LAIR1: variants seen among roughly 807,000 people sequenced by gnomAD.
The protein encoded by LAIR1 is leukocyte associated immunoglobulin like receptor 1.
A neutral mutation model predicts 32.8 loss-of-function variants in LAIR1; 24 were observed. That is an observed-to-expected ratio of 0.73 (90% CI 0.53 to 1.03). LAIR1 has a LOEUF of 1.03. Among genes scored for constraint, LAIR1 ranks in the 50% least tolerant of loss-of-function variants. The probability of loss-of-function intolerance (pLI) is 0.00; values close to 1 mark genes in which losing one functional copy is unlikely to be tolerated. For missense variants in LAIR1, 355 were observed against 347.5 expected (o/e 1.02, Z -0.17); for synonymous variants, 150 against 140.5 (o/e 1.07, Z -0.48).
At chr19:54,365,910 TGTG>T (rs369704745), upstream of LAIR1, among the ~76,000 whole-genome samples, 4 of 151,966 alleles carry the variant, frequency 2.6e-5, no homozygotes, top group African/African-American at 9.7e-5. Context: ...ATATAGAAAA[TGTG>T]GTGCACACAC....
At position 54,363,020 on chromosome 19, in the gene LAIR1, GA is replaced by G. The variant is rs79699294; in HGVS notation, c.70+1274del. Among the ~76,000 whole-genome samples the G allele has an allele frequency of 4.9e-3, 653 of 134,524 alleles. 4 individuals are homozygous for G. Among genetic ancestry groups the G allele is most frequent in the African/African-American group, 8.5e-3 (316 of 37,250 alleles). 88.3% of individuals were successfully genotyped at this position (134,524 alleles called of 152,430 possible). On this transcript the variant is annotated intron_variant, in intron 2 of 9. Coordinates refer to ENST00000391742, the MANE Select transcript of LAIR1 (RefSeq NM_002287.6). ...AAGATAAACAGGGGAAGGGCTCTGA[GA>G]AAAAAAAAAAAAGATTTCATCTTAC...
intron 4 of LAIR1, chr19:54,358,622 G>A (rs777341203): frequency 1.2e-6 from 2 of 1,601,462 alleles, no homozygotes; most frequent in Non-Finnish European, 8.5e-7. Context: ...GCCTGGCACA[G>A]TCCCTGTGAG....
At chr19:54,356,200 C>T (rs773086082) in intron 8 of LAIR1, 30 bp downstream of exon 8, 1 of 1,603,608 alleles carries the variant, frequency 6.2e-7, no homozygotes, top group South Asian at 1.1e-5. Flanking sequence ...CTTCCCCATC[C>T]CAGGCCTGTC....
chr19:54,355,524 C>T lies in LAIR1; in HGVS notation c.718-110G>A. On this transcript the variant is annotated intron_variant, in intron 9 of 9. Coordinates refer to ENST00000391742, the MANE Select transcript of LAIR1 (RefSeq NM_002287.6). This position sits in a 1 kb window ranked among gnomAD's most constrained non-coding sequence, Gnocchi z 4.7. ...CTCCATGGGCCCTGAGGACCCTCTC[C>T]TAAATTGCATCCGTGTGAAGAGCCC... 2 of 967,524 alleles carry T rather than the reference C, an allele frequency of 2.1e-6. No individual in the cohort carries two copies. The highest frequency in any genetic ancestry group is 1.6e-5 in the South Asian group (1 of 60,710). 59.9% of individuals were successfully genotyped at this position (967,524 alleles called of 1,614,324 possible). A position where few individuals can be genotyped will look rare whatever the true frequency, so the allele number is the denominator to read the frequency against.
rs1433469363 is a variant in LAIR1 at position 54,364,815 on chromosome 19, C to G, written c.-11G>C. On this transcript the variant is annotated 5_prime_UTR_variant, in exon 1 of 10. Transcript: ENST00000391742. This position sits in a 1 kb window ranked among gnomAD's most constrained non-coding sequence, Gnocchi z 4.8. ...GGGGTGGGGAGACATGGCCCAGGTCCCAGCAGTGCAGCCTGGCCTGAGGCG... is the reference window on the plus strand; with the variant it reads ...GGGGTGGGGAGACATGGCCCAGGTCGCAGCAGTGCAGCCTGGCCTGAGGCG... The G allele has an allele frequency of 3.1e-6, 5 of 1,614,000 alleles. No homozygotes were observed. In the Admixed American group the frequency reaches 8.3e-5, roughly 27 times the overall value.
chr19:54,366,190 A>G (rs1181328412), upstream of LAIR1, among the ~76,000 whole-genome samples: 1 of 152,232 alleles, frequency 6.6e-6, no homozygotes, highest in Non-Finnish European at 1.5e-5. Context: ...ATCGTCAGCA[A>G]TAACGTCTTG....
upstream of LAIR1, chr19:54,368,065 C>T (rs1601341212): frequency 6.6e-6 from 1 of 152,200 alleles, no homozygotes; most frequent in South Asian, 2.1e-4. Context: ...AGCCACCGCG[C>T]CTGGCCTAAT....
Position 54,364,726 on chromosome 19 carries a change from C to A in LAIR1, c.34+45G>T, listed in dbSNP as rs777068948. The A allele has an allele frequency of 1.6e-5, 24 of 1,540,328 alleles. No individual in the cohort carries two copies. Among genetic ancestry groups the A allele is most frequent in the Admixed American group, 6.8e-5 (4 of 58,558 alleles). On this transcript the variant is annotated intron_variant, in intron 1 of 9. Transcript: ENST00000391742. The surrounding 1 kb of genome is among the most constrained non-coding windows in gnomAD (Gnocchi z 4.8). ...AGGCTTGAGCAGGGAATTTTCCAGACCTCCCGACCCCCTTTCCAGCCTCCC... is the reference window on the plus strand; with the variant it reads ...AGGCTTGAGCAGGGAATTTTCCAGAACTCCCGACCCCCTTTCCAGCCTCCC...
chr19:54,355,127 C>T lies in LAIR1; in HGVS notation c.*141G>A. 1 of 805,540 alleles carries T rather than the reference C, an allele frequency of 1.2e-6. No homozygotes were observed. Among genetic ancestry groups the T allele is most frequent in the Non-Finnish European group, 2.0e-6 (1 of 507,038 alleles). The allele number at this position is 805,540 out of a possible 1,614,324, so 49.9% of individuals were successfully genotyped here. A position where few individuals can be genotyped will look rare whatever the true frequency, so the allele number is the denominator to read the frequency against. On this transcript the variant is annotated 3_prime_UTR_variant, in exon 10 of 10. Transcript: ENST00000391742. This position sits in a 1 kb window ranked among gnomAD's most constrained non-coding sequence, Gnocchi z 4.7. ...GATGCTGGTTAGAAACCTCCAGTCT[C>T]CAGCTCTTGTCTCCAGGACAGCTGC...
chr19:54,374,858 C>T (rs61735675), upstream of LAIR1, among the ~76,000 whole-genome samples: 15,277 of 151,996 alleles, frequency 0.1, 858 homozygotes, highest in African/African-American at 0.13. Context: ...AAAGTGACCC[C>T]CTCAGCCCAG....
chr19:54,364,922 C>T lies in LAIR1; in HGVS notation c.-118G>A. The T allele has an allele frequency of 1.3e-6, 2 of 1,591,080 alleles. No homozygotes were observed. The highest frequency in any genetic ancestry group is 3.6e-5 in the Admixed American group (2 of 56,008). On this transcript the variant is annotated 5_prime_UTR_variant, in exon 1 of 10. Transcript: ENST00000391742. This position sits in a 1 kb window ranked among gnomAD's most constrained non-coding sequence, Gnocchi z 4.8. ...GGGGGCCTCCTGCCTATGGGGCTTC[C>T]ACAGCAACTGCCTCACACAAGAGGA... is the stretch of plus-strand genomic sequence containing the variant.
chr19:54,371,153 C>T (rs905617487), upstream of LAIR1, among the ~76,000 whole-genome samples: 3 of 151,230 alleles, frequency 2.0e-5, no homozygotes, highest in Non-Finnish European at 4.4e-5. Context: ...TATACTCCAG[C>T]CTGTTTCCCC....
At chr19:54,366,110 G>T (rs541934847), upstream of LAIR1, among the ~76,000 whole-genome samples, 1 of 152,118 alleles carries the variant, frequency 6.6e-6, no homozygotes, top group African/African-American at 2.4e-5. Context: ...GGTTACGGGG[G>T]CTGGGAGGAG....
At chr19:54,372,896 C>T (rs1178113888), upstream of LAIR1, among the ~76,000 whole-genome samples, 4 of 151,360 alleles carry the variant, frequency 2.6e-5, no homozygotes, top group East Asian at 5.8e-4. Context: ...TTTGGAAGGT[C>T]GAGGCGGATG....
At chr19:54,357,516 T>TC (rs1282028131) in intron 4 of LAIR1, 1 of 154,070 alleles carries the variant, frequency 6.5e-6, no homozygotes, top group East Asian at 1.9e-4. Context: ...AGAATCCAAG[T>TC]CCCGATGTGC....
chr19:54,351,390 CA>C lies in LAIR1; in HGVS notation c.*3877del, dbSNP rs1209481041. 6.6e-6 allele frequency: 1 copy of C among 152,114 alleles called. No individual in the cohort carries two copies. Among genetic ancestry groups the C allele is most frequent in the Non-Finnish European group, 1.5e-5 (1 of 68,030 alleles). The allele number at this position is 152,114 out of a possible 1,614,324, so 9.4% of individuals were successfully genotyped here. A position where few individuals can be genotyped will look rare whatever the true frequency, so the allele number is the denominator to read the frequency against. ...CCTTAAACATATAGTCACCTTTTAT[CA>C]AAAAGATATTTTATTTGTCTAAATG... On this transcript the variant is annotated 3_prime_UTR_variant, in exon 10 of 10. Transcript: ENST00000391742.
At chr19:54,372,681 G>A (rs1394037307), upstream of LAIR1, among the ~76,000 whole-genome samples, 1 of 150,028 alleles carries the variant, frequency 6.7e-6, no homozygotes, top group Middle Eastern at 3.4e-3. Context: ...GTACAGACGG[G>A]GTTTCACCAT....
Position 54,356,736 on chromosome 19 carries a change from A to G in LAIR1, c.455-117T>C, listed in dbSNP as rs956639530. ...CTAATATATAAAATATCTTAGGTAA[A>G]TAATAGTCCTGCAGTACAGGGATCG... On this transcript the variant is annotated intron_variant, in intron 5 of 9. Transcript: ENST00000391742. The G allele has an allele frequency of 3.3e-5, 41 of 1,230,254 alleles. 1 individual carries two copies. The highest frequency in any genetic ancestry group is 3.9e-4 in the Middle Eastern group (2 of 5,164). 76.2% of individuals were successfully genotyped at this position (1,230,254 alleles called of 1,614,324 possible).
chr19:54,356,870 T>C, intron 5 of LAIR1, 58 bp downstream of exon 5: 1 of 1,602,246 alleles, frequency 6.2e-7, no homozygotes, highest in Non-Finnish European at 8.5e-7. Flanking sequence ...GCCTGACCTC[T>C]TTCTCCTTCC....
Sources: gnomAD v4.1 joint callset for allele counts (sites outside exome capture counted in the v4.1 genomes callset) on GRCh38, gnomAD v4.1.1 for gene constraint, Gnocchi (gnomAD v3.1) non-coding constraint, MANE v1.5 for transcripts, NCBI Gene and HGNC (gene_info 2026-07-23, HGNC 2026-07-21) for gene names.